ADAM12: variants seen among roughly 807,000 people sequenced by gnomAD.
ADAM12 encodes the protein disintegrin and metalloproteinase domain-containing protein 12.
ADAM12 carries 70 observed loss-of-function variants against 106.4 expected under a neutral mutation model. The observed-to-expected ratio is 0.66, with a 90% CI of 0.54 to 0.80. ADAM12 has a LOEUF of 0.80. Among genes scored for constraint, ADAM12 ranks in the 30% least tolerant of loss-of-function variants. ADAM12 has a pLI of 0.00. For synonymous variants in ADAM12, 420 were observed against 433.5 expected (o/e 0.97, Z 0.39); for missense variants, 1,010 against 1,171.9 (o/e 0.86, Z 2.02).
chr10:126,111,782 T>TTA (rs1269243117), intron 6 of ADAM12, among the ~76,000 whole-genome samples: 1 of 152,154 alleles, frequency 6.6e-6, no homozygotes, highest in African/African-American at 2.4e-5. Flanking sequence ...CTTAACCACA[T>TTA]AATAAAGAGA....
At chr10:126,343,265 G>A (rs1176907748) in intron 1 of ADAM12, among the ~76,000 whole-genome samples, 5 of 149,350 alleles carry the variant, frequency 3.3e-5, no homozygotes, top group African/African-American at 9.9e-5. Flanking sequence ...ACCTATGAGT[G>A]AGAACATGCG....
At chr10:126,163,746 C>T (rs188877091) in intron 3 of ADAM12, among the ~76,000 whole-genome samples, 27 of 152,258 alleles carry the variant, frequency 1.8e-4, no homozygotes, top group Non-Finnish European at 3.5e-4. Context: ...TTTCCCTATT[C>T]GGCCTTATTT....
At chr10:126,334,666 A>T (rs556379143) in intron 1 of ADAM12, among the ~76,000 whole-genome samples, 83 of 152,042 alleles carry the variant, frequency 5.5e-4, no homozygotes, top group Non-Finnish European at 9.9e-4. Context: ...TCCTCCCCTC[A>T]TGTCACCCAG....
chr10:126,246,892 C>T (rs1176226978), intron 3 of ADAM12, among the ~76,000 whole-genome samples: 4 of 152,092 alleles, frequency 2.6e-5, no homozygotes, highest in Non-Finnish European at 5.9e-5. Flanking sequence ...GGCAATCAGG[C>T]AAGAGAAAGT....
chr10:126,211,681 C>T (rs1388828466), intron 3 of ADAM12, among the ~76,000 whole-genome samples: 1 of 151,844 alleles, frequency 6.6e-6, no homozygotes, highest in East Asian at 1.9e-4. Flanking sequence ...ACCATGTGAT[C>T]CTGGACCTGC....
At chr10:126,324,981 A>G (rs1031021930) in intron 2 of ADAM12, among the ~76,000 whole-genome samples, 1 of 152,076 alleles carries the variant, frequency 6.6e-6, no homozygotes, top group African/African-American at 2.4e-5. Context: ...ATTTTCACTT[A>G]TGTGAGCCCC....
chr10:126,357,352 G>A (rs1590820706), intron 1 of ADAM12, among the ~76,000 whole-genome samples: 1 of 152,078 alleles, frequency 6.6e-6, no homozygotes, highest in Admixed American at 6.5e-5. Flanking sequence ...CTGTCTACCA[G>A]GAATACCTTA....
chr10:126,354,448 A>AGGCACTCAGT (rs75739887), intron 1 of ADAM12, among the ~76,000 whole-genome samples: 1 of 151,804 alleles, frequency 6.6e-6, no homozygotes, highest in African/African-American at 2.4e-5. Flanking sequence ...GGCATGCAGT[A>AGGCACTCAGT]GAACGTCTGC....
chr10:126,227,910 C>T (rs1301517491), intron 3 of ADAM12, among the ~76,000 whole-genome samples: 5 of 152,064 alleles, frequency 3.3e-5, no homozygotes, highest in Non-Finnish European at 7.4e-5. Context: ...GGTGAGCTGG[C>T]AGCACCCCCC....
chr10:126,071,952 G>T (rs1377599832), intron 11 of ADAM12, among the ~76,000 whole-genome samples: 1 of 152,212 alleles, frequency 6.6e-6, no homozygotes. Context: ...TCTCATTAAA[G>T]ACATTATTAA....
intron 1 of ADAM12, among the ~76,000 whole-genome samples, chr10:126,334,855 G>C (rs1006954555): frequency 6.6e-6 from 1 of 152,154 alleles, no homozygotes; most frequent in Non-Finnish European, 1.5e-5. Context: ...GACATACACA[G>C]TGAAGAGGGG....
intron 14 of ADAM12, among the ~76,000 whole-genome samples, chr10:126,059,909 T>G (rs1335128824): frequency 6.6e-6 from 1 of 152,218 alleles, no homozygotes; most frequent in Non-Finnish European, 1.5e-5. Context: ...GGAGTAAAGG[T>G]CATGTCATAT....
intron 3 of ADAM12, among the ~76,000 whole-genome samples, chr10:126,260,401 T>A (rs1590698548): frequency 6.6e-6 from 1 of 152,242 alleles, no homozygotes; most frequent in African/African-American, 2.4e-5. Context: ...TTAAAATTTC[T>A]ATATGGGAAC....
chr10:126,069,636 G>T (rs934955352), intron 12 of ADAM12, among the ~76,000 whole-genome samples: 1 of 152,238 alleles, frequency 6.6e-6, no homozygotes, highest in African/African-American at 2.4e-5. Flanking sequence ...GATGGTGGTG[G>T]TGGGGATAAT....
intron 21 of ADAM12, among the ~76,000 whole-genome samples, chr10:126,021,039 C>T (rs893706689): frequency 8.3e-5 from 12 of 145,356 alleles, no homozygotes; most frequent in African/African-American, 2.8e-4. Context: ...CCCTTTTTTT[C>T]GTGGGGCCCC....
intron 1 of ADAM12, among the ~76,000 whole-genome samples, chr10:126,341,296 G>A (rs976625452): frequency 3.9e-5 from 6 of 152,230 alleles, no homozygotes; most frequent in Admixed American, 2.0e-4. Context: ...TAGGGGCCTC[G>A]TCTATCAAAT....
In ADAM12 at chr10:126,019,694, C is replaced by CCT. The variant is rs1953725372; in HGVS notation, c.2659_2660dup (p.Pro888AspfsTer49). The stretch of plus-strand genomic sequence containing the variant: ...AGATGGGCATGGCATGTCACACAAA[C>CCT]CTGAGGGGTGCCAGGCGGAGCCCAG... On this transcript the variant is annotated frameshift_variant and splice_region_variant. Transcript: ENST00000448723. LOFTEE classifies it high-confidence loss of function. 1 of 1,613,156 alleles carries CCT rather than the reference C, an allele frequency of 6.2e-7. No homozygotes were observed. The highest frequency in any genetic ancestry group is 8.5e-7 in the Non-Finnish European group (1 of 1,179,512).
At chr10:126,288,023 CGGAGA>C (rs990993004) in intron 2 of ADAM12, among the ~76,000 whole-genome samples, 5 of 151,524 alleles carry the variant, frequency 3.3e-5, no homozygotes, top group African/African-American at 1.2e-4. Flanking sequence ...AACTGGGGGG[CGGAGA>C]GGAGACCCCA....
rs191523875 is a variant in ADAM12 at position 126,230,445 on chromosome 10, G to A, written c.260+48470C>T. Among the ~76,000 whole-genome samples the A allele has an allele frequency of 7.2e-5, 11 of 152,308 alleles. No individual in the cohort carries two copies. In the East Asian group the frequency reaches 7.7e-4, roughly 11 times the overall value. ...ATGTGAAACTGCTGAGTCGAATGCT[G>A]TATGTTTAATATTCTTAATATGTAT... On this transcript the variant is annotated intron_variant, in intron 3 of 22. Coordinates refer to ENST00000448723, the MANE Select transcript of ADAM12 (RefSeq NM_001288973.2).
Sources: gnomAD v4.1 joint callset for allele counts (sites outside exome capture counted in the v4.1 genomes callset) on GRCh38, gnomAD v4.1.1 for gene constraint, MANE v1.5 for transcripts, NCBI Gene and HGNC (gene_info 2026-07-23, HGNC 2026-07-21) for gene names.